Variants in SND1 observed in about 807,000 individuals in gnomAD.
SND1 encodes the protein staphylococcal nuclease domain-containing protein 1.
In SND1, 38 loss-of-function variants were observed where a neutral mutation model predicts 121.7. That is an observed-to-expected ratio of 0.31 (90% CI 0.24 to 0.41). The LOEUF (loss-of-function observed/expected upper bound fraction) is 0.41. Ranked by LOEUF, SND1 falls within the 10% of genes least tolerant of loss-of-function variation. SND1 has a pLI of 1.00. For missense variants in SND1, 868 were observed against 1,184.6 expected, an observed-to-expected ratio of 0.73 and a Z score of 3.92; for synonymous variants, 401 against 447.4, an observed-to-expected ratio of 0.90 and a Z score of 1.31.
At chr7:128,041,157 C>T (rs754893345) in intron 16 of SND1, among the ~76,000 whole-genome samples, 2 of 152,102 alleles carry the variant, frequency 1.3e-5, no homozygotes, top group South Asian at 2.1e-4. Context: ...GAGGGGGCCC[C>T]GGTGCAGGGG....
At chr7:128,083,426 G>C (rs1364608847) in intron 18 of SND1, among the ~76,000 whole-genome samples, 3 of 152,242 alleles carry the variant, frequency 2.0e-5, no homozygotes, top group Admixed American at 1.3e-4. Context: ...AGGGAGAGGG[G>C]CGGCTGCTAC....
At chr7:127,792,054 T>G (rs749627378) in intron 10 of SND1, among the ~76,000 whole-genome samples, 5 of 152,240 alleles carry the variant, frequency 3.3e-5, no homozygotes, top group Admixed American at 6.5e-5. Flanking sequence ...TATTGTGTAA[T>G]TTTTATATCT....
intron 10 of SND1, among the ~76,000 whole-genome samples, chr7:127,786,690 C>G (rs1424582643): frequency 6.6e-6 from 1 of 152,176 alleles, no homozygotes; most frequent in African/African-American, 2.4e-5. Context: ...GTCGCCCAGG[C>G]TGGAGTGCAG....
chr7:127,775,400 AAATAT>A (rs1428531868), intron 10 of SND1, among the ~76,000 whole-genome samples: 22 of 151,156 alleles, frequency 1.5e-4, no homozygotes. Flanking sequence ...TTATAATAAC[AAATAT>A]AATAAAAAAA....
Position 127,858,655 on chromosome 7 carries a change from A to G in SND1, c.1343+14231A>G, listed in dbSNP as rs529130918. On this transcript the variant is annotated intron_variant, in intron 12 of 23. Transcript: ENST00000354725. ...GCTCCTGTGATGCCAGCTGGCTAGTATGTAGGCCATAAACCATAATGGACA... is the reference window on the plus strand; with the variant it reads ...GCTCCTGTGATGCCAGCTGGCTAGTGTGTAGGCCATAAACCATAATGGACA... Among the ~76,000 whole-genome samples, 29 of 152,334 alleles carry G rather than the reference A, an allele frequency of 1.9e-4. 1 individual carries two copies. The highest frequency in any genetic ancestry group is 6.0e-4 in the African/African-American group (25 of 41,584).
chr7:128,083,464 G>A (rs545855533), intron 18 of SND1, among the ~76,000 whole-genome samples: 1 of 152,356 alleles, frequency 6.6e-6, no homozygotes, highest in South Asian at 2.1e-4. Flanking sequence ...GTGGATGCAG[G>A]ACCAGTGGCC....
intron 11 of SND1, among the ~76,000 whole-genome samples, chr7:127,830,010 A>G (rs1382101022): frequency 2.0e-5 from 3 of 152,202 alleles, no homozygotes; most frequent in Non-Finnish European, 4.4e-5. Flanking sequence ...AATGATTGAG[A>G]TGGTGGATTT....
intron 9 of SND1, among the ~76,000 whole-genome samples, chr7:127,712,197 C>T (rs1796309788): frequency 6.6e-6 from 1 of 152,248 alleles, no homozygotes; most frequent in East Asian, 1.9e-4. Context: ...CTTGCTCTGT[C>T]ACCCAGGCTG....
chr7:127,900,769 ACTTT>A (rs1352364440), intron 13 of SND1, among the ~76,000 whole-genome samples: 3 of 152,138 alleles, frequency 2.0e-5, no homozygotes, highest in African/African-American at 7.2e-5. Flanking sequence ...GTGGATATAT[ACTTT>A]CTTTCCCTGA....
chr7:128,006,816 C>T (rs986201834), intron 16 of SND1, among the ~76,000 whole-genome samples: 1 of 152,204 alleles, frequency 6.6e-6, no homozygotes, highest in African/African-American at 2.4e-5. Context: ...GAACCCTGCT[C>T]AGCCACTTAC....
At chr7:127,694,136 C>G in intron 2 of SND1, among the ~76,000 whole-genome samples, 1 of 152,154 alleles carries the variant, frequency 6.6e-6, no homozygotes, top group East Asian at 1.9e-4. Flanking sequence ...AGGCTTCAGA[C>G]TAGAGCAGAA....
chr7:128,010,311 TCTCTGTG>T (rs1338450441), intron 16 of SND1, among the ~76,000 whole-genome samples: 30 of 152,246 alleles, frequency 2.0e-4, no homozygotes, highest in Non-Finnish European at 1.8e-4. Flanking sequence ...CCATTTACTA[TCTCTGTG>T]ACCTTGACAA....
intron 14 of SND1, among the ~76,000 whole-genome samples, chr7:127,914,565 C>T (rs1348793299): frequency 6.6e-6 from 1 of 152,130 alleles, no homozygotes; most frequent in Non-Finnish European, 1.5e-5. Context: ...AGAAGGGGAT[C>T]TTTTTGTATC....
chr7:128,070,155 A>G (rs1255531441), intron 16 of SND1, among the ~76,000 whole-genome samples: 1 of 152,094 alleles, frequency 6.6e-6, no homozygotes, highest in South Asian at 2.1e-4. Flanking sequence ...TCGCTTCTTA[A>G]CCAGTTACCA....
chr7:128,061,243 A>T (rs188251093), intron 16 of SND1, among the ~76,000 whole-genome samples: 248 of 152,312 alleles, frequency 1.6e-3, no homozygotes, highest in Non-Finnish European at 3.1e-3. Context: ...ATGGGCAGAG[A>T]GTCACATCAA....
intron 15 of SND1, 100 bp downstream of exon 15, chr7:127,929,429 AC>A: frequency 8.5e-7 from 1 of 1,174,634 alleles, no homozygotes; most frequent in African/African-American, 1.5e-5. Context: ...CCTAGAGCCC[AC>A]CAGCATGCTC....
intron 16 of SND1, among the ~76,000 whole-genome samples, chr7:128,069,335 C>T (rs1242146013): frequency 6.6e-6 from 1 of 152,202 alleles, no homozygotes; most frequent in Non-Finnish European, 1.5e-5. Flanking sequence ...GCATCACTGG[C>T]ATTTGTTGAA....
chr7:127,925,820 C>A (rs1342784358), intron 14 of SND1, among the ~76,000 whole-genome samples: 1 of 151,886 alleles, frequency 6.6e-6, no homozygotes, highest in Non-Finnish European at 1.5e-5. Flanking sequence ...GTCTCGAACT[C>A]GTGATCTCAG....
intron 10 of SND1, among the ~76,000 whole-genome samples, chr7:127,726,677 G>A (rs1796587831): frequency 6.6e-6 from 1 of 152,156 alleles, no homozygotes; most frequent in Non-Finnish European, 1.5e-5. Flanking sequence ...CACTTGGAGT[G>A]TTAATGACAA....
Sources: gnomAD v4.1 joint callset for allele counts (sites outside exome capture counted in the v4.1 genomes callset) on GRCh38, gnomAD v4.1.1 for gene constraint, MANE v1.5 for transcripts, NCBI Gene and HGNC (gene_info 2026-07-23, HGNC 2026-07-21) for gene names.